Variants in GEMIN5 observed in about 807,000 individuals in gnomAD.
GEMIN5 encodes the protein gem-associated protein 5.
Under a neutral mutation model 176.9 loss-of-function variants are expected in GEMIN5, and 124 were observed. That is an observed-to-expected ratio of 0.70 (90% CI 0.61 to 0.81). The LOEUF (loss-of-function observed/expected upper bound fraction) is 0.81. GEMIN5 is among the 40% of genes least tolerant of loss of function. The pLI, the probability that GEMIN5 is intolerant of heterozygous loss-of-function variation, is 0.00. For synonymous variants in GEMIN5, 673 were observed against 665.2 expected, an observed-to-expected ratio of 1.01 and a Z score of -0.18; for missense variants, 1,843 against 1,814.6, an observed-to-expected ratio of 1.02 and a Z score of -0.28.
intron 2 of GEMIN5, 98 bp from the exon 3 acceptor site, chr5:154,936,120 A>C: frequency 1.3e-6 from 1 of 761,786 alleles, no homozygotes; most frequent in Non-Finnish European, 2.1e-6. Context: ...TATACACATT[A>C]AAAGTAATTA....
chr5:154,905,230 A>G (rs1763545521), intron 17 of GEMIN5, 133 bp downstream of exon 17: 1 of 473,826 alleles, frequency 2.1e-6, no homozygotes, highest in African/African-American at 2.0e-5. Flanking sequence ...ACCCATAATC[A>G]GAAAACCTAC....
intron 3 of GEMIN5, among the ~76,000 whole-genome samples, chr5:154,934,024 T>C (rs866798324): frequency 2.0e-5 from 3 of 149,386 alleles, no homozygotes; most frequent in African/African-American, 2.5e-5. Flanking sequence ...TATCATTGAC[T>C]TTTTTTTTTG....
Position 154,901,453 on chromosome 5 carries a change from G to C in GEMIN5, c.2900C>G (p.Ala967Gly), listed in dbSNP as rs751473417. 3 of 1,613,878 alleles carry C rather than the reference G, an allele frequency of 1.9e-6. No individual in the cohort carries two copies. The highest frequency in any genetic ancestry group is 1.3e-5 in the African/African-American group (1 of 74,902). Residue 967 changes from alanine to glycine, a missense_variant, in exon 21 of 28, where the codon GCT becomes GGT. Physicochemically the swap from Ala to Gly is moderately conservative, Grantham distance 60 (BLOSUM62 0). Transcript: ENST00000285873. The stretch of plus-strand genomic sequence containing the variant: ...CTGAAAACACAGCTGTTTGGCAAAA[G>C]CTTCCACAGCCCATAGCCACACATG... ...GYHVWLWAVE[A>G]FAKQLCFQDQ...
chr5:154,922,418 C>T (rs1049436754), intron 9 of GEMIN5, among the ~76,000 whole-genome samples: 10 of 152,056 alleles, frequency 6.6e-5, no homozygotes, highest in African/African-American at 1.7e-4. Context: ...CTGCCCGCGT[C>T]GGCCTCCCAA....
rs1334785237 is a variant in GEMIN5 at position 154,926,088 on chromosome 5, C to T, written c.1081-14G>A. ...CCAACATTTTACCTGCAAAGATTAA[C>T]GGTAAGGGCCTAAACATAAAAAAGA... On this transcript the variant is annotated splice_polypyrimidine_tract_variant and intron_variant, in intron 7 of 27. Coordinates refer to ENST00000285873, the MANE Select transcript of GEMIN5 (RefSeq NM_015465.5). 1.1e-5 allele frequency: 17 copies of T among 1,517,446 alleles called. No homozygotes were observed. The highest frequency in any genetic ancestry group is 1.7e-4 in the Middle Eastern group (1 of 5,882). 94.0% of individuals were successfully genotyped at this position (1,517,446 alleles called of 1,614,324 possible).
chr5:154,892,333 G>T, intron 25 of GEMIN5, 54 bp downstream of exon 25: 2 of 1,359,206 alleles, frequency 1.5e-6, no homozygotes, highest in South Asian at 1.2e-5. Flanking sequence ...CACCACTAAT[G>T]GTGGTGATGT....
rs755153179 is a variant in GEMIN5 at position 154,896,240 on chromosome 5, G to A, written c.3449C>T (p.Thr1150Met). 75 of 1,613,654 alleles carry A rather than the reference G, an allele frequency of 4.6e-5. No individual in the cohort carries two copies. The Middle Eastern group carries it at 9.9e-4, about 21-fold the overall frequency. ...CTCCACGAAAGGCCCTTCGGTGCCC[G>A]TGTTCCAAGTGTGGTAAGAGGAGGA... Reference protein sequence around the residue: ...KSSSSYHTWNTGTEGPFVERV... With the variant: ...KSSSSYHTWNMGTEGPFVERV... The change falls in exon 24 of 28, where the codon ACG becomes ATG. Residue 1150 changes from threonine (T) to methionine (M), a missense_variant. Physicochemically the swap from Thr to Met is moderately conservative, Grantham distance 81. Transcript: ENST00000285873.
intron 7 of GEMIN5, among the ~76,000 whole-genome samples, chr5:154,927,052 G>GAAA (rs60191789): frequency 6.8e-6 from 1 of 146,754 alleles, no homozygotes. Context: ...CTCTGTCTCA[G>GAAA]AAAAAAAAAA....
At chr5:154,898,061 C>T (rs898179115) in intron 23 of GEMIN5, among the ~76,000 whole-genome samples, 57 of 151,882 alleles carry the variant, frequency 3.8e-4, no homozygotes, top group African/African-American at 1.3e-3. Flanking sequence ...CCACCACGCT[C>T]GGCTAATTTT....
Position 154,907,597 on chromosome 5 carries a change from G to A in GEMIN5, c.2389C>T (p.Pro797Ser), listed in dbSNP as rs1763594473. 4 of 1,613,056 alleles carry A rather than the reference G, an allele frequency of 2.5e-6. No homozygotes were observed. In the South Asian group the frequency reaches 3.3e-5, roughly 13 times the overall value. The change falls in exon 16 of 28, where the codon CCA (proline) becomes TCA (serine). Residue 797 changes from proline (P) to serine (S), a missense_variant. Pro to Ser is a moderately conservative substitution (Grantham distance 74). Coordinates refer to ENST00000285873, the MANE Select transcript of GEMIN5 (RefSeq NM_015465.5). ...REPELPCGLA[P>S]AVSREPVICT... ...ACAGGATTCTGCCACATACCCGCTG[G>A]AGCAAGGCCACAGGGTAATTCCGGC... is the stretch of plus-strand genomic sequence containing the variant.
At chr5:154,935,707 CA>C (rs1266621344) in intron 3 of GEMIN5, 133 bp downstream of exon 3, 18 of 626,468 alleles carry the variant, frequency 2.9e-5, no homozygotes, top group African/African-American at 2.0e-4. Flanking sequence ...TAAATGATGC[CA>C]GGGGCTCAGG....
chr5:154,913,146 C>T (rs1460545859), intron 13 of GEMIN5, 108 bp from the exon 14 acceptor site: 2 of 958,578 alleles, frequency 2.1e-6, no homozygotes, highest in Non-Finnish European at 3.1e-6. Flanking sequence ...TTTTGCCATA[C>T]ACTTTCTAGG....
chr5:154,917,168 AT>A lies in GEMIN5; in HGVS notation c.1684del (p.Ile562TyrfsTer7). Reference protein sequence around the residue: ...ALGNEDGSIEIFQIPNLKLIC... With the variant: ...ALGNEDGSIEXFQIPNLKLIC... ...CAGTTTCAGGTTGGGAATCTGAAAT[AT>A]TTCTATTGATCTGGAATAAGAAACA... On this transcript the variant is annotated frameshift_variant, in exon 13 of 28. Transcript: ENST00000285873. LOFTEE classifies it high-confidence loss of function. The A allele has an allele frequency of 4.7e-6, 7 of 1,498,788 alleles. No individual in the cohort carries two copies. The highest frequency in any genetic ancestry group is 6.3e-6 in the Non-Finnish European group (7 of 1,106,172). The allele number at this position is 1,498,788 out of a possible 1,614,324, so 92.8% of individuals were successfully genotyped here. A position where few individuals can be genotyped will look rare whatever the true frequency, so the allele number is the denominator to read the frequency against.
At chr5:154,928,722 C>A (rs2644743) in intron 5 of GEMIN5, 63 bp from the exon 6 acceptor site, 1 of 1,482,374 alleles carries the variant, frequency 6.7e-7, no homozygotes, top group Non-Finnish European at 9.4e-7. Flanking sequence ...ATGAAGTCAC[C>A]GGTGGTTCAT....
At chr5:154,906,848 C>A (rs747761627) in intron 16 of GEMIN5, among the ~76,000 whole-genome samples, 1 of 152,222 alleles carries the variant, frequency 6.6e-6, no homozygotes, top group Non-Finnish European at 1.5e-5. Flanking sequence ...ACTGTCACAT[C>A]AATGGATTCT....
Position 154,904,529 on chromosome 5 carries a change from T to G in GEMIN5, c.2610A>C (p.Leu870=). ...KEELHQDCLV[L]ATAKHSRELN... ...TACCTCTGGAGTGCTTTGCAGTTGC[T>G]AGTACCAAACAGTCCTGATGAAGCT... Residue 870 remains leucine (L), a synonymous_variant, in exon 18 of 28, where the codon CTA becomes CTC. Coordinates refer to ENST00000285873, the MANE Select transcript of GEMIN5 (RefSeq NM_015465.5). 6.2e-7 allele frequency: 1 copy of G among 1,613,792 alleles called. No individual in the cohort carries two copies. The highest frequency in any genetic ancestry group is 2.2e-5 in the East Asian group (1 of 44,884).
intron 21 of GEMIN5, 44 bp downstream of exon 21, chr5:154,901,295 C>T (rs1306382431): frequency 1.3e-6 from 2 of 1,542,586 alleles, no homozygotes; most frequent in African/African-American, 2.7e-5. Context: ...AGGTTATTTT[C>T]ACATTATGTC....
chr5:154,927,134 T>A (rs996341095), intron 7 of GEMIN5, among the ~76,000 whole-genome samples: 1 of 152,174 alleles, frequency 6.6e-6, no homozygotes, highest in African/African-American at 2.4e-5. Flanking sequence ...CTTGACCTAA[T>A]ACATCCTTCC....
intron 1 of GEMIN5, among the ~76,000 whole-genome samples, chr5:154,937,646 A>G (rs1034910055): frequency 1.3e-5 from 2 of 152,138 alleles, no homozygotes; most frequent in Middle Eastern, 6.8e-3. Context: ...TTAGCCCCCA[A>G]CCCCAGGAAG....
Sources: gnomAD v4.1 joint callset for allele counts (sites outside exome capture counted in the v4.1 genomes callset) on GRCh38, gnomAD v4.1.1 for gene constraint, MANE v1.5 for transcripts, NCBI Gene and HGNC (gene_info 2026-07-23, HGNC 2026-07-21) for gene names.